Variants in IGSF9 observed in about 807,000 individuals in gnomAD.
The protein encoded by IGSF9 is protein turtle homolog A.
IGSF9 carries 87 observed loss-of-function variants against 121.7 expected under a neutral mutation model. The ratio of observed to expected loss-of-function variants is 0.71; its 90% confidence interval spans 0.60 to 0.85. The LOEUF is 0.85. IGSF9 is among the 40% of genes least tolerant of loss of function. The pLI, the probability that IGSF9 is intolerant of heterozygous loss-of-function variation, is 0.00. For missense variants in IGSF9, 1,462 were observed against 1,565.3 expected (o/e 0.93, Z 1.11); for synonymous variants, 640 against 648.4 (o/e 0.99, Z 0.20).
chr1:159,937,563 TG>T, intron 4 of IGSF9, 122 bp downstream of exon 4: 2 of 1,052,474 alleles, frequency 1.9e-6, no homozygotes, highest in Non-Finnish European at 2.8e-6. Context: ...TCAGGAAGGG[TG>T]GGGCATCAGA....
At chr1:159,935,567 C>T (rs1651155299) in intron 6 of IGSF9, among the ~76,000 whole-genome samples, 1 of 152,238 alleles carries the variant, frequency 6.6e-6, no homozygotes, top group South Asian at 2.1e-4. Context: ...AGTTCCACTA[C>T]TCCTTCCCCT....
At position 159,927,365 on chromosome 1, in the gene IGSF9, C is replaced by A. The variant is rs1393363965; in HGVS notation, c.3520G>T (p.Glu1174Ter). ...PAYRQPVPHP[E>*]QATLL ...GATGTTCACAGCAGAGTGGCCTGTT[C>A]GGGGTGGGGGACTGGCTGTCGATAG... is the stretch of plus-strand genomic sequence containing the variant. Residue 1174 changes from glutamate (E) to a stop codon, truncating the protein, a stop_gained, in exon 21 of 21, where the codon GAA becomes TAA. Coordinates refer to ENST00000368094, the MANE Select transcript of IGSF9 (RefSeq NM_001135050.2). LOFTEE classifies it high-confidence loss of function. The A allele has an allele frequency of 1.2e-6, 2 of 1,613,576 alleles. No homozygotes were observed. Among genetic ancestry groups the A allele is most frequent in the African/African-American group, 2.7e-5 (2 of 74,868 alleles).
Position 159,932,752 on chromosome 1 carries a change from G to T in IGSF9, c.1105-100C>A. On this transcript the variant is annotated intron_variant, in intron 9 of 20. Transcript: ENST00000368094. This position sits in a 1 kb window ranked among gnomAD's most constrained non-coding sequence, Gnocchi z 4.1. The stretch of plus-strand genomic sequence containing the variant: ...GGGGCAGGATGAGAAACCCACAGCT[G>T]TGCAGAAGACTCCAGCAGCTCCATG... 1.7e-6 allele frequency: 2 copies of T among 1,203,352 alleles called. No homozygotes were observed. The highest frequency in any genetic ancestry group is 1.1e-6 in the Non-Finnish European group (1 of 870,362). 74.5% of individuals were successfully genotyped at this position (1,203,352 alleles called of 1,614,324 possible). A position where few individuals can be genotyped will look rare whatever the true frequency, so the allele number is the denominator to read the frequency against.
Position 159,928,690 on chromosome 1 carries a change from T to C in IGSF9, c.2698A>G (p.Ile900Val). ...SPSGAPQPLC[I>V]EDISPVAPPP... is the part of the protein sequence containing the mutation. ...GGTGCCACAGGGCTGATGTCTTCAA[T>C]GCAGAGGGGCTGGGGTGCCCCACTG... The change falls in exon 19 of 21, where the codon ATT becomes GTT. Residue 900 changes from isoleucine (I) to valine (V), a missense_variant. By Grantham distance (29) the Ile-to-Val change is conservative. Coordinates refer to ENST00000368094, the MANE Select transcript of IGSF9 (RefSeq NM_001135050.2). The C allele has an allele frequency of 6.8e-7, 1 of 1,479,696 alleles. No homozygotes were observed. 91.7% of individuals were successfully genotyped at this position (1,479,696 alleles called of 1,614,324 possible).
chr1:159,942,403 C>T (rs766239717), intron 3 of IGSF9, among the ~76,000 whole-genome samples: 23 of 152,208 alleles, frequency 1.5e-4, no homozygotes, highest in African/African-American at 4.1e-4. Context: ...CTGTGCTTCT[C>T]TACTCAGAAG....
In IGSF9 at chr1:159,930,376, G is replaced by A; in HGVS notation, c.1877C>T (p.Pro626Leu). The A allele has an allele frequency of 1.3e-6, 2 of 1,587,632 alleles. No individual in the cohort carries two copies. Among genetic ancestry groups the A allele is most frequent in the Non-Finnish European group, 1.7e-6 (2 of 1,165,088 alleles). The change falls in exon 15 of 21, where the codon CCT (proline) becomes CTT (leucine). Residue 626 changes from proline to leucine, a missense_variant. Coordinates refer to ENST00000368094, the MANE Select transcript of IGSF9 (RefSeq NM_001135050.2). The stretch of plus-strand genomic sequence containing the variant: ...CCTCACTGCCACCAGACCCCGCGGA[G>A]GGGACAGGGGAGGCGGTATCTCTGT... ...PPTEIPPPLSPPRGLVAVRTP... is the reference protein window; with the variant it reads ...PPTEIPPPLSLPRGLVAVRTP...
intron 17 of IGSF9, 77 bp downstream of exon 17, chr1:159,929,560 CT>C: frequency 2.0e-6 from 3 of 1,512,024 alleles, no homozygotes; most frequent in Non-Finnish European, 8.9e-7. Context: ...GGAGCGAGGG[CT>C]TTTCCCCCAG....
chr1:159,929,659 GGCGGCGGGCAGCCCT>G lies in IGSF9; in HGVS notation c.2290_2304del (p.Ala765_Arg769del). The G allele has an allele frequency of 1.9e-6, 3 of 1,594,192 alleles. No individual in the cohort carries two copies. Among genetic ancestry groups the G allele is most frequent in the Non-Finnish European group, 2.6e-6 (3 of 1,171,994 alleles). ...TTACCTTGGCGGAGGCGCTTGCGGC[GGCGGCGGGCAGCCCT>G]GCGCCGGTTCAGGAGGCAGCCGGCC... On this transcript the variant is annotated inframe_deletion, in exon 17 of 21. Transcript: ENST00000368094.
rs750273044 is a variant in IGSF9 at position 159,931,597 on chromosome 1, G to A, written c.1369C>T (p.Arg457Trp). ...PPVVSWTKVG[R>W]GLQGQAQVDS... ...ACCTGGGCCTGGCCTTGCAGCCCCC[G>A]GCCCACCTACAGAACCACTGGTGAG... Residue 457 changes from arginine (R) to tryptophan (W), a missense_variant, in exon 12 of 21, where the codon CGG (arginine) becomes TGG (tryptophan). Coordinates refer to ENST00000368094, the MANE Select transcript of IGSF9 (RefSeq NM_001135050.2). The surrounding 1 kb of genome is among the most constrained non-coding windows in gnomAD (Gnocchi z 4.8). The A allele has an allele frequency of 1.3e-5, 21 of 1,613,694 alleles. No homozygotes were observed. The highest frequency in any genetic ancestry group is 1.6e-5 in the Non-Finnish European group (19 of 1,179,928).
Position 159,936,685 on chromosome 1 carries a change from C to T in IGSF9, c.555+69G>A, listed in dbSNP as rs1651198585. ...GGCCTTTGCCTCCTCTGTCCTCTGG[C>T]CCCACTGCCAGGCCCCCACCTTCCC... On this transcript the variant is annotated intron_variant, in intron 5 of 20. Coordinates refer to ENST00000368094, the MANE Select transcript of IGSF9 (RefSeq NM_001135050.2). The T allele has an allele frequency of 2.5e-6, 4 of 1,581,144 alleles. No individual in the cohort carries two copies. In the Admixed American group the frequency reaches 6.8e-5, roughly 27 times the overall value.
intron 3 of IGSF9, among the ~76,000 whole-genome samples, chr1:159,942,687 G>A (rs1424634882): frequency 6.6e-6 from 1 of 152,146 alleles, no homozygotes; most frequent in Admixed American, 6.5e-5. Context: ...AGGGCTGCAG[G>A]ATCTCCTTTG....
chr1:159,942,743 A>T (rs1283428021), intron 3 of IGSF9, among the ~76,000 whole-genome samples: 1 of 150,288 alleles, frequency 6.7e-6, no homozygotes, highest in African/African-American at 2.4e-5. Flanking sequence ...TAAGAGTGTG[A>T]GTGTGTGTGT....
At position 159,928,384 on chromosome 1, in the gene IGSF9, A is replaced by G. The variant is rs1485195017; in HGVS notation, c.3004T>C (p.Trp1002Arg). The G allele has an allele frequency of 2.5e-6, 4 of 1,609,404 alleles. No individual in the cohort carries two copies. The South Asian group carries it at 3.3e-5, about 13-fold the overall frequency. Residue 1002 changes from tryptophan (W) to arginine (R), a missense_variant, in exon 19 of 21, where the codon TGG becomes CGG. Physicochemically the swap from Trp to Arg is moderately radical, Grantham distance 101. This residue lies in a region of IGSF9 where 808 missense variants were observed against 815.2 expected (regional missense o/e 0.99). Transcript: ENST00000368094. ...GGCAGCAGCCGCTCCCTCAGTGTCC[A>G]GTCAGCCAGGGCTGTGTAAGGGGGC... ...AEPPYTALAD[W>R]TLRERLLPGL...
intron 14 of IGSF9, 91 bp from the exon 15 acceptor site, chr1:159,930,530 G>T (rs1486369713): frequency 6.6e-6 from 10 of 1,517,870 alleles, no homozygotes; most frequent in Non-Finnish European, 8.8e-6. Context: ...TCTTCTCCCA[G>T]AACCCCTGAA....
Position 159,931,088 on chromosome 1 carries a change from G to A in IGSF9, c.1637+50C>T. ...AGGCCAGATAGGTTCAAGGAGGAGA[G>A]GAAAGGAGGCAAGATTGGCACAGAG... On this transcript the variant is annotated intron_variant, in intron 13 of 20. Transcript: ENST00000368094. This position sits in a 1 kb window ranked among gnomAD's most constrained non-coding sequence, Gnocchi z 4.8. 1 of 1,613,228 alleles carries A rather than the reference G, an allele frequency of 6.2e-7. No homozygotes were observed. Among genetic ancestry groups the A allele is most frequent in the Non-Finnish European group, 8.5e-7 (1 of 1,179,434 alleles).
Position 159,934,024 on chromosome 1 carries a change from G to C in IGSF9, c.1104+166C>G, listed in dbSNP as rs544549538. 2.6e-5 allele frequency: 21 copies of C among 805,710 alleles called. No individual in the cohort carries two copies. In the South Asian group the frequency reaches 3.7e-4, roughly 14 times the overall value. The allele number at this position is 805,710 out of a possible 1,614,324, so 49.9% of individuals were successfully genotyped here. A position where few individuals can be genotyped will look rare whatever the true frequency, so the allele number is the denominator to read the frequency against. On this transcript the variant is annotated intron_variant, in intron 9 of 20. Transcript: ENST00000368094. ...AAACCATGGAAATTTTTCCTCAGGG[G>C]TTTTAAGTAGTTTCCTATGCAACAT... is the stretch of plus-strand genomic sequence containing the variant.
intron 14 of IGSF9, 124 bp from the exon 15 acceptor site, chr1:159,930,563 C>T: frequency 1.3e-6 from 2 of 1,523,756 alleles, no homozygotes; most frequent in Non-Finnish European, 1.8e-6. Context: ...TCATCTTCCA[C>T]ACACCCCTCT....
Position 159,929,380 on chromosome 1 carries a change from G to C in IGSF9, c.2340C>G (p.Ile780Met), listed in dbSNP as rs200599440. Residue 780 changes from isoleucine (I) to methionine (M), a missense_variant, in exon 18 of 21, where the codon ATC becomes ATG. Ile to Met is a conservative substitution (Grantham distance 10). Around this residue, in one of 3 missense-constraint regions of IGSF9, gnomAD observed 808 missense variants for 815.2 expected, o/e 0.99. Transcript: ENST00000368094. ...RKRLRQDPPL[I>M]FSPTGKSAAP... The stretch of plus-strand genomic sequence containing the variant: ...CAGCTGACTTCCCGGTCGGAGAGAA[G>C]ATAAGAGGTGGATCTGGAAGGGCAT... The C allele has an allele frequency of 2.8e-5, 45 of 1,614,072 alleles. No individual in the cohort carries two copies. The highest frequency in any genetic ancestry group is 2.6e-5 in the Non-Finnish European group (31 of 1,180,022).
At position 159,927,391 on chromosome 1, in the gene IGSF9, G is replaced by T. The variant is rs369321557; in HGVS notation, c.3494C>A (p.Ala1165Asp). 4.9e-4 allele frequency: 794 copies of T among 1,613,780 alleles called. 10 individuals are homozygous for T. In the South Asian group the frequency reaches 8.3e-3, roughly 17 times the overall value. The part of the protein sequence containing the change: ...RRDATRARLP[A>D]YRQPVPHPEQ... Reference sequence around the variant, plus strand: ...GGGGTGGGGGACTGGCTGTCGATAGGCTGGTAGCCGAGCCCTAGTAGCATC... The same window carrying T: ...GGGGTGGGGGACTGGCTGTCGATAGTCTGGTAGCCGAGCCCTAGTAGCATC... The change falls in exon 21 of 21, where the codon GCC (alanine) becomes GAC (aspartate). Residue 1165 changes from alanine (A) to aspartate (D), a missense_variant. Ala to Asp is a moderately radical substitution (Grantham distance 126). This residue lies in a region of IGSF9 where 808 missense variants were observed against 815.2 expected (regional missense o/e 0.99). Coordinates refer to ENST00000368094, the MANE Select transcript of IGSF9 (RefSeq NM_001135050.2).
Sources: allele counts gnomAD v4.1 joint callset (sites outside exome capture counted in the v4.1 genomes callset), GRCh38; gene constraint gnomAD v4.1.1; regional missense constraint gnomAD v4.1.1; non-coding constraint Gnocchi (gnomAD v3.1); transcripts MANE v1.5; gene names NCBI Gene and HGNC (gene_info 2026-07-23, HGNC 2026-07-21).